The following HTT variants were observed in gnomAD, a reference collection of about 807,000 sequenced individuals.
The protein encoded by HTT is huntingtin, also known as huntington disease protein.
A neutral mutation model predicts 362.3 loss-of-function variants in HTT; 104 were observed. The observed-to-expected ratio is 0.29, with a 90% CI of 0.24 to 0.34. The LOEUF (loss-of-function observed/expected upper bound fraction) is 0.34, where lower values mean the gene tolerates loss of function less well. Ranked by LOEUF, HTT falls within the 10% of genes least tolerant of loss-of-function variation. HTT has a pLI of 1.00. For synonymous variants in HTT, 1,577 were observed against 1,548.7 expected, an observed-to-expected ratio of 1.02 and a Z score of -0.43; for missense variants, 3,301 against 3,928.6, an observed-to-expected ratio of 0.84 and a Z score of 4.27.
chr4:3,138,132 A>T (rs1212716734), intron 21 of HTT, among the ~76,000 whole-genome samples: 1 of 96,476 alleles, frequency 1.0e-5, no homozygotes, highest in African/African-American at 4.1e-5. Flanking sequence ...TCCCTTCCCT[A>T]CTTCCCTCTC....
chr4:3,117,150 A>G (rs1715069660), intron 8 of HTT, among the ~76,000 whole-genome samples: 1 of 152,204 alleles, frequency 6.6e-6, no homozygotes, highest in African/African-American at 2.4e-5. Flanking sequence ...CTCTTAAGAA[A>G]GTATTGGGGC....
intron 6 of HTT, among the ~76,000 whole-genome samples, chr4:3,113,426 T>C (rs528289242): frequency 6.6e-6 from 1 of 152,182 alleles, no homozygotes; most frequent in South Asian, 2.1e-4. Flanking sequence ...ACCTCCCAGG[T>C]TCAAGTGATT....
chr4:3,195,955 G>C (rs996743003), intron 40 of HTT, among the ~76,000 whole-genome samples: 3 of 152,188 alleles, frequency 2.0e-5, no homozygotes, highest in African/African-American at 7.2e-5. Flanking sequence ...CCTGTAAAAG[G>C]GGACTGAGAG....
intron 4 of HTT, 132 bp downstream of exon 4, chr4:3,104,015 T>G: frequency 1.7e-6 from 1 of 588,882 alleles, no homozygotes. Flanking sequence ...ATACAATACA[T>G]AATAATCACA....
chr4:3,099,674 GTTGTATGGTTTGGAGGTGGTC>G (rs1714052286), intron 3 of HTT, among the ~76,000 whole-genome samples: 1 of 136,852 alleles, frequency 7.3e-6, no homozygotes, highest in Non-Finnish European at 1.6e-5. Flanking sequence ...GAGGTGCTCT[GTTGTATGGTTTGGAGGTGGTC>G]TTGTATGGTT....
At chr4:3,088,980 T>C (rs546505849) in intron 2 of HTT, among the ~76,000 whole-genome samples, 4 of 152,330 alleles carry the variant, frequency 2.6e-5, no homozygotes, top group East Asian at 1.9e-4. Context: ...TAGCATGCTA[T>C]TGTAGAATAC....
intron 6 of HTT, among the ~76,000 whole-genome samples, chr4:3,110,382 A>C (rs55962025): frequency 0.33 from 49,786 of 152,028 alleles, 8,524 homozygotes; most frequent in East Asian, 0.42. Flanking sequence ...TGGTCATCCA[A>C]CTTGAGTTAT....
rs1578609190 is a variant in HTT, at chr4:3,228,508, C to G, written c.7849-107C>G. The G allele has an allele frequency of 7.7e-7, 1 of 1,301,238 alleles. No homozygotes were observed. Among genetic ancestry groups the G allele is most frequent in the East Asian group, 2.5e-5 (1 of 40,792 alleles). 80.6% of individuals were successfully genotyped at this position (1,301,238 alleles called of 1,614,324 possible). A position where few individuals can be genotyped will look rare whatever the true frequency, so the allele number is the denominator to read the frequency against. On this transcript the variant is annotated intron_variant, in intron 57 of 66. Transcript: ENST00000355072. The surrounding 1 kb of genome is among the most constrained non-coding windows in gnomAD (Gnocchi z 4.3). Reference sequence around the variant, plus strand: ...TGTCTGAACGACCCTTGCTAAGGGGCAGACTGTTAGACGGTAGGCATGTGC... The same window carrying G: ...TGTCTGAACGACCCTTGCTAAGGGGGAGACTGTTAGACGGTAGGCATGTGC...
chr4:3,182,408 A>G lies in HTT; in HGVS notation c.4804A>G (p.Lys1602Glu), dbSNP rs535922193. The change falls in exon 37 of 67, where the codon AAG becomes GAG. Residue 1602 changes from lysine to glutamate, a missense_variant. Transcript: ENST00000355072. ...GCAGTGCCACAAGGAGAATGAAGAC[A>G]AGTGGAAGCGACTGTCTCGACAGAT... Reference protein sequence around the residue: ...LQQCHKENEDKWKRLSRQIAD... With the variant: ...LQQCHKENEDEWKRLSRQIAD... 16 of 1,614,054 alleles carry G rather than the reference A, an allele frequency of 9.9e-6. No individual in the cohort carries two copies. Among genetic ancestry groups the G allele is most frequent in the Non-Finnish European group, 1.3e-5 (15 of 1,179,984 alleles).
chr4:3,207,371 C>T lies in HTT; in HGVS notation c.6152+14C>T. The T allele has an allele frequency of 6.2e-7, 1 of 1,601,182 alleles. No homozygotes were observed. The highest frequency in any genetic ancestry group is 8.5e-7 in the Non-Finnish European group (1 of 1,171,288). ...GCTCGCTCAGAGGTAATGCTGGAAACACAGGTCGTCCTTGTGTTAGGACAA... is the reference window on the plus strand; with the variant it reads ...GCTCGCTCAGAGGTAATGCTGGAAATACAGGTCGTCCTTGTGTTAGGACAA... On this transcript the variant is annotated intron_variant, in intron 45 of 66. Coordinates refer to ENST00000355072, the MANE Select transcript of HTT (RefSeq NM_001388492.1).
intron 51 of HTT, among the ~76,000 whole-genome samples, chr4:3,216,075 A>G (rs907871599): frequency 6.6e-6 from 1 of 152,176 alleles, no homozygotes; most frequent in Non-Finnish European, 1.5e-5. Flanking sequence ...CGCCTTTTCA[A>G]TCATGAGTGC....
At chr4:3,166,357 A>T (rs1482494991) in intron 29 of HTT, among the ~76,000 whole-genome samples, 1 of 152,204 alleles carries the variant, frequency 6.6e-6, no homozygotes, top group Non-Finnish European at 1.5e-5. Context: ...GGTGTCTCCC[A>T]GTCAGGCTAC....
intron 5 of HTT, among the ~76,000 whole-genome samples, 174 bp from the exon 6 acceptor site, chr4:3,107,111 C>A (rs550799689): frequency 3.9e-5 from 6 of 152,262 alleles, no homozygotes; most frequent in Non-Finnish European, 7.3e-5. Context: ...AGGATGTCTC[C>A]CAACACTTGA....
rs1033940913 is a variant in HTT, at chr4:3,228,705, C to T, written c.7939C>T (p.Pro2647Ser). 2.5e-6 allele frequency: 4 copies of T among 1,608,798 alleles called. No homozygotes were observed. Among genetic ancestry groups the T allele is most frequent in the Admixed American group, 3.4e-5 (2 of 59,162 alleles). The change falls in exon 58 of 67, where the codon CCT becomes TCT. Residue 2647 changes from proline to serine, a missense_variant. By Grantham distance (74) the Pro-to-Ser change is moderately conservative (BLOSUM62 -1). This residue lies in a region of HTT where 753 missense variants were observed against 1,021.3 expected (regional missense o/e 0.74). Coordinates refer to ENST00000355072, the MANE Select transcript of HTT (RefSeq NM_001388492.1). This position sits in a 1 kb window ranked among gnomAD's most constrained non-coding sequence, Gnocchi z 4.3. ...DEEEEEEADA[P>S]APSSPPTSPV... is the part of the protein sequence containing the mutation. ...GGAAGAGGAGGAGGAGGCCGACGCCCCTGCACCTTCGTCACCACCCACGTC... is the reference window on the plus strand; with the variant it reads ...GGAAGAGGAGGAGGAGGCCGACGCCTCTGCACCTTCGTCACCACCCACGTC...
At chr4:3,143,984 T>C (rs1428761371) in intron 23 of HTT, among the ~76,000 whole-genome samples, 1 of 152,216 alleles carries the variant, frequency 6.6e-6, no homozygotes, top group Non-Finnish European at 1.5e-5. Context: ...AATTAAATTA[T>C]GTACATATGC....
intron 31 of HTT, among the ~76,000 whole-genome samples, chr4:3,173,893 G>C (rs774890508): frequency 6.6e-6 from 1 of 151,934 alleles, no homozygotes. Context: ...GGATGGTCTC[G>C]ATCTCCTGAC....
intron 27 of HTT, among the ~76,000 whole-genome samples, chr4:3,156,584 A>T (rs1717159894): frequency 6.6e-6 from 1 of 152,252 alleles, no homozygotes; most frequent in African/African-American, 2.4e-5. Flanking sequence ...AAAGTCTTCA[A>T]ACTGAAGTAG....
intron 63 of HTT, 72 bp downstream of exon 63, chr4:3,235,850 A>T: frequency 4.2e-6 from 5 of 1,193,396 alleles, no homozygotes; most frequent in Non-Finnish European, 6.0e-6. Flanking sequence ...TGCTCACTCA[A>T]GGGACCTCGA....
In HTT at chr4:3,188,932, CTT is replaced by C; in HGVS notation, c.5226-14_5226-13del. The C allele has an allele frequency of 6.2e-7, 1 of 1,612,606 alleles. No homozygotes were observed. The highest frequency in any genetic ancestry group is 2.2e-5 in the East Asian group (1 of 44,880). ...TAGTAGTCACCTAATTCACTGTCAT[CTT>C]TTTTGTTTCTTGGAAGGTTTCTATT... is the stretch of plus-strand genomic sequence containing the variant. On this transcript the variant is annotated splice_polypyrimidine_tract_variant and intron_variant, in intron 39 of 66. Transcript: ENST00000355072.
Sources: gnomAD v4.1 joint callset for allele counts (sites outside exome capture counted in the v4.1 genomes callset) on GRCh38, gnomAD v4.1.1 for gene constraint, gnomAD v4.1.1 regional missense constraint, Gnocchi (gnomAD v3.1) non-coding constraint, MANE v1.5 for transcripts, NCBI Gene and HGNC (gene_info 2026-07-23, HGNC 2026-07-21) for gene names.